The following PTPRD variants were observed in gnomAD, a reference collection of about 807,000 sequenced individuals.
The protein encoded by PTPRD is protein tyrosine phosphatase receptor type D, also known as receptor-type tyrosine-protein phosphatase delta.
Under a neutral mutation model 214.5 loss-of-function variants are expected in PTPRD, and 34 were observed. The observed-to-expected ratio is 0.16, with a 90% CI of 0.12 to 0.21. The LOEUF is 0.21. PTPRD is among the 10% of genes least tolerant of loss of function. PTPRD has a pLI of 1.00. For missense variants in PTPRD, 2,545 were observed against 2,398.7 expected (o/e 1.06, Z -1.27); for synonymous variants, 1,128 against 845.7 (o/e 1.33, Z -5.79).
intron 3 of PTPRD, among the ~76,000 whole-genome samples, chr9:10,133,532 A>C (rs2098918191): frequency 6.7e-6 from 1 of 149,854 alleles, no homozygotes; most frequent in South Asian, 2.2e-4. Flanking sequence ...TGCACAAATA[A>C]CATAAATAAC....
At chr9:10,283,216 T>C (rs1002258303) in intron 3 of PTPRD, among the ~76,000 whole-genome samples, 2 of 152,114 alleles carry the variant, frequency 1.3e-5, no homozygotes, top group Non-Finnish European at 2.9e-5. Context: ...AAGCTTCCTC[T>C]GAATTTCCCA....
intron 7 of PTPRD, among the ~76,000 whole-genome samples, chr9:9,578,564 T>G (rs866308086): frequency 3.9e-5 from 6 of 152,062 alleles, no homozygotes; most frequent in African/African-American, 1.4e-4. Flanking sequence ...TTTAAATAAT[T>G]ATAAATACTT....
chr9:8,986,265 T>C (rs1256519440), intron 11 of PTPRD, among the ~76,000 whole-genome samples: 3 of 152,098 alleles, frequency 2.0e-5, no homozygotes, highest in Non-Finnish European at 4.4e-5. Context: ...TGATGGTTCA[T>C]ATCCACACTT....
intron 3 of PTPRD, among the ~76,000 whole-genome samples, chr9:10,197,427 C>G (rs987466866): frequency 1.1e-4 from 16 of 152,104 alleles, no homozygotes; most frequent in Non-Finnish European, 2.2e-4. Context: ...CTTTCTCTTA[C>G]AAGACATTAA....
intron 9 of PTPRD, among the ~76,000 whole-genome samples, chr9:9,275,409 C>T (rs954639870): frequency 1.2e-4 from 18 of 149,998 alleles, no homozygotes; most frequent in African/African-American, 4.4e-4. Flanking sequence ...GAGTCACCTG[C>T]ATTCAGTGCA....
intron 4 of PTPRD, among the ~76,000 whole-genome samples, chr9:10,027,943 A>G (rs1589227317): frequency 6.6e-6 from 1 of 152,100 alleles, no homozygotes; most frequent in African/African-American, 2.4e-5. Context: ...TTAAAAGTAT[A>G]TTGGATTAAG....
At chr9:10,313,314 T>C (rs1173588332) in intron 3 of PTPRD, among the ~76,000 whole-genome samples, 1 of 151,482 alleles carries the variant, frequency 6.6e-6, no homozygotes, top group African/African-American at 2.4e-5. Flanking sequence ...TAATTATATA[T>C]TTGAAGAAAA....
intron 11 of PTPRD, among the ~76,000 whole-genome samples, chr9:8,785,001 T>C (rs1163090562): frequency 6.6e-6 from 1 of 152,064 alleles, no homozygotes; most frequent in African/African-American, 2.4e-5. Flanking sequence ...GCTGGGATCT[T>C]GTACCAACAT....
At chr9:9,583,766 A>G (rs527455788) in intron 7 of PTPRD, among the ~76,000 whole-genome samples, 32 of 152,048 alleles carry the variant, frequency 2.1e-4, no homozygotes, top group Non-Finnish European at 3.7e-4. Context: ...CAGCTGCTGC[A>G]CTAAAGCTCA....
intron 2 of PTPRD, among the ~76,000 whole-genome samples, chr9:10,465,214 G>C (rs569868319): frequency 1.6e-4 from 25 of 152,086 alleles, no homozygotes; most frequent in Non-Finnish European, 2.9e-4. Flanking sequence ...AAGATCATTA[G>C]CACACACAAC....
At chr9:9,498,288 A>T (rs2096273852) in intron 8 of PTPRD, among the ~76,000 whole-genome samples, 1 of 152,174 alleles carries the variant, frequency 6.6e-6, no homozygotes, top group Non-Finnish European at 1.5e-5. Context: ...TTGTAAGCCA[A>T]GTATGAATGT....
chr9:10,378,123 G>A (rs185093024), intron 2 of PTPRD, among the ~76,000 whole-genome samples: 14 of 152,136 alleles, frequency 9.2e-5, no homozygotes, highest in Middle Eastern at 3.4e-3. Flanking sequence ...GAGAGATGAT[G>A]TATTATTGCA....
intron 32 of PTPRD, among the ~76,000 whole-genome samples, chr9:8,462,568 A>T (rs1019333118): frequency 6.6e-6 from 1 of 152,108 alleles, no homozygotes; most frequent in African/African-American, 2.4e-5. Flanking sequence ...ATTCCATCAC[A>T]GTGGGCTTCT....
At chr9:9,263,411 T>A (rs1004591628) in intron 9 of PTPRD, among the ~76,000 whole-genome samples, 3 of 151,716 alleles carry the variant, frequency 2.0e-5, no homozygotes, top group African/African-American at 7.2e-5. Flanking sequence ...AAATGAACGA[T>A]GATAGTACAT....
chr9:9,753,466 G>A (rs1023231887), intron 6 of PTPRD, among the ~76,000 whole-genome samples: 6 of 152,050 alleles, frequency 3.9e-5, no homozygotes, highest in African/African-American at 9.7e-5. Flanking sequence ...AAGCACGCAA[G>A]GCTAATGTGG....
chr9:9,138,930 CTAAG>C (rs1481122074), intron 10 of PTPRD, among the ~76,000 whole-genome samples: 1 of 152,060 alleles, frequency 6.6e-6, no homozygotes, highest in Admixed American at 6.6e-5. Flanking sequence ...ACCCTAGACA[CTAAG>C]TAATAGCATA....
intron 10 of PTPRD, among the ~76,000 whole-genome samples, chr9:9,099,915 T>G (rs2099788986): frequency 6.6e-6 from 1 of 152,138 alleles, no homozygotes. Context: ...ATTTGAAAAG[T>G]CTATATTTTA....
At chr9:9,831,916 G>A (rs186856167) in intron 5 of PTPRD, among the ~76,000 whole-genome samples, 1 of 151,984 alleles carries the variant, frequency 6.6e-6, no homozygotes, top group African/African-American at 2.4e-5. Context: ...TTGGCTGGTT[G>A]GCAAAAATGT....
At chr9:10,153,048 A>G (rs1217599826) in intron 3 of PTPRD, among the ~76,000 whole-genome samples, 1 of 152,186 alleles carries the variant, frequency 6.6e-6, no homozygotes, top group Non-Finnish European at 1.5e-5. Context: ...GTCAAAGAGT[A>G]AAAGTTTCCA....
Sources: allele counts gnomAD v4.1 joint callset (sites outside exome capture counted in the v4.1 genomes callset), GRCh38; gene constraint gnomAD v4.1.1; transcripts MANE v1.5; gene names NCBI Gene and HGNC (gene_info 2026-07-23, HGNC 2026-07-21).